BTBD16: variants seen among roughly 807,000 people sequenced by gnomAD.
BTBD16 encodes the protein BTB domain containing 16.
BTBD16 carries 66 observed loss-of-function variants against 67.4 expected under a neutral mutation model. That is an observed-to-expected ratio of 0.98 (90% CI 0.80 to 1.20). BTBD16 has a LOEUF of 1.20. Ranked by LOEUF, BTBD16 falls within the 50% of genes most tolerant of loss-of-function variation. The pLI, the probability that BTBD16 is intolerant of heterozygous loss-of-function variation, is 0.00. For missense variants in BTBD16, 634 were observed against 616.0 expected (o/e 1.03, Z -0.31); for synonymous variants, 242 against 236.4 (o/e 1.02, Z -0.22).
At chr10:122,307,380 G>T (rs183385722) in intron 10 of BTBD16, 72 bp downstream of exon 10, 1 of 1,408,140 alleles carries the variant, frequency 7.1e-7, no homozygotes, top group Non-Finnish European at 9.5e-7. Context: ...ATAATATCAC[G>T]GGGGAAAACC....
intron 8 of BTBD16, 147 bp downstream of exon 8, chr10:122,297,984 TTG>T: frequency 1.4e-6 from 1 of 695,120 alleles, no homozygotes; most frequent in Admixed American, 2.9e-5. Flanking sequence ...ATGAACACAT[TTG>T]TGTGTTTTTT....
At chr10:122,298,007 A>G (rs1458782400) in intron 8 of BTBD16, among the ~76,000 whole-genome samples, 170 bp downstream of exon 8, 1 of 151,864 alleles carries the variant, frequency 6.6e-6, no homozygotes, top group Non-Finnish European at 1.5e-5. Flanking sequence ...TTTTTAAACC[A>G]TCATTTTATT....
chr10:122,310,513 G>A (rs181110614), intron 10 of BTBD16, among the ~76,000 whole-genome samples: 36 of 152,248 alleles, frequency 2.4e-4, no homozygotes, highest in African/African-American at 6.3e-4. Flanking sequence ...CCAGCATTGC[G>A]TCACCAGGGG....
intron 10 of BTBD16, among the ~76,000 whole-genome samples, chr10:122,324,454 G>T (rs1451206992): frequency 2.0e-5 from 3 of 152,258 alleles, no homozygotes; most frequent in Non-Finnish European, 4.4e-5. Flanking sequence ...TGCCTCTTGT[G>T]ATTCATGAAT....
chr10:122,321,813 C>T (rs1258090496), intron 10 of BTBD16, among the ~76,000 whole-genome samples: 3 of 152,108 alleles, frequency 2.0e-5, no homozygotes, highest in Non-Finnish European at 2.9e-5. Context: ...TTTTGCTGGG[C>T]AGAAGCTCTT....
chr10:122,299,885 C>T (rs1351031224), intron 9 of BTBD16, among the ~76,000 whole-genome samples: 5 of 152,154 alleles, frequency 3.3e-5, no homozygotes, highest in African/African-American at 9.7e-5. Flanking sequence ...ACAGCCTTTG[C>T]CTCTGGTGAC....
intron 11 of BTBD16, among the ~76,000 whole-genome samples, 180 bp from the exon 12 acceptor site, chr10:122,330,996 A>G (rs977985931): frequency 6.6e-6 from 1 of 152,244 alleles, no homozygotes; most frequent in Non-Finnish European, 1.5e-5. Context: ...GACTCTGAAC[A>G]TAACCACAGT....
chr10:122,298,340 C>A (rs1250066923), intron 8 of BTBD16, among the ~76,000 whole-genome samples: 1 of 152,204 alleles, frequency 6.6e-6, no homozygotes, highest in African/African-American at 2.4e-5. Flanking sequence ...GGATACCAAG[C>A]AGCATGCCAC....
chr10:122,331,594 A>G (rs2096455240), intron 12 of BTBD16, among the ~76,000 whole-genome samples: 1 of 152,176 alleles, frequency 6.6e-6, no homozygotes, highest in Non-Finnish European at 1.5e-5. Flanking sequence ...TTAAATTTCA[A>G]ATCACTTTTC....
chr10:122,278,638 C>T (rs1230825973), intron 3 of BTBD16, among the ~76,000 whole-genome samples: 1 of 152,214 alleles, frequency 6.6e-6, no homozygotes, highest in Non-Finnish European at 1.5e-5. Flanking sequence ...CTTGCACCTT[C>T]CCCAGTTCCT....
chr10:122,273,988 A>G (rs1360188397), intron 1 of BTBD16, among the ~76,000 whole-genome samples: 2 of 152,212 alleles, frequency 1.3e-5, no homozygotes, highest in Non-Finnish European at 2.9e-5. Flanking sequence ...CTCTCTCCAT[A>G]TGGCGACTGC....
At chr10:122,336,714 C>A (rs778864347) in intron 15 of BTBD16, 32 bp downstream of exon 15, 1 of 1,531,948 alleles carries the variant, frequency 6.5e-7, no homozygotes, top group South Asian at 1.3e-5. Flanking sequence ...TCCTTTATTT[C>A]CTTTTTGCTC....
chr10:122,282,876 T>G (rs920208918), intron 3 of BTBD16, among the ~76,000 whole-genome samples: 1 of 151,828 alleles, frequency 6.6e-6, no homozygotes, highest in East Asian at 1.9e-4. Context: ...AAAGCGGCAA[T>G]GAAGTTTATT....
chr10:122,314,084 C>CA (rs529637774), intron 10 of BTBD16, among the ~76,000 whole-genome samples: 85 of 151,726 alleles, frequency 5.6e-4, no homozygotes, highest in Non-Finnish European at 1.1e-3. Context: ...CAAATTCCAC[C>CA]AAAAAAGACA....
At chr10:122,313,257 G>GTTTTTTTTTTT (rs58984425) in intron 10 of BTBD16, among the ~76,000 whole-genome samples, 3 of 139,138 alleles carry the variant, frequency 2.2e-5, no homozygotes, top group Non-Finnish European at 3.1e-5. Flanking sequence ...AGTTAGTGCT[G>GTTTTTTTTTTT]TTTTTTTTTT....
At chr10:122,321,675 C>T (rs951376914) in intron 10 of BTBD16, among the ~76,000 whole-genome samples, 14 of 152,098 alleles carry the variant, frequency 9.2e-5, no homozygotes, top group Admixed American at 2.0e-4. Context: ...AGTATTTGCT[C>T]GTGTACTTTT....
intron 9 of BTBD16, chr10:122,303,751 C>T (rs2096398399): frequency 1.9e-6 from 1 of 520,218 alleles, no homozygotes; most frequent in Admixed American, 6.4e-5. Flanking sequence ...TGCCAGTAAA[C>T]ACACATGGTA....
At chr10:122,290,107 G>A (rs2096371176) in intron 6 of BTBD16, 109 bp downstream of exon 6, 1 of 715,576 alleles carries the variant, frequency 1.4e-6, no homozygotes, top group Non-Finnish European at 2.3e-6. Context: ...AGTAGACAGT[G>A]TTCAGTGCTT....
intron 10 of BTBD16, among the ~76,000 whole-genome samples, chr10:122,308,731 A>G (rs2096408126): frequency 6.6e-6 from 1 of 152,150 alleles, no homozygotes; most frequent in South Asian, 2.1e-4. Context: ...CCACTCTGTC[A>G]TCATGGAGGA....
Sources: allele counts gnomAD v4.1 joint callset (sites outside exome capture counted in the v4.1 genomes callset), GRCh38; gene constraint gnomAD v4.1.1; transcripts MANE v1.5; gene names NCBI Gene and HGNC (gene_info 2026-07-23, HGNC 2026-07-21).